PHIP: variants seen among roughly 807,000 people sequenced by gnomAD.
PHIP encodes PHIP subunit of CUL4-Ring ligase complex.
PHIP carries 54 observed loss-of-function variants against 236.8 expected under a neutral mutation model. That is an observed-to-expected ratio of 0.23 (90% confidence interval 0.18 to 0.29). PHIP has a LOEUF of 0.29. PHIP is among the 10% of genes least tolerant of loss of function. The probability of loss-of-function intolerance (pLI) is 1.00; values close to 1 mark genes in which losing one functional copy is unlikely to be tolerated. For synonymous variants in PHIP, 756 were observed against 718.9 expected, an observed-to-expected ratio of 1.05 and a Z score of -0.83; for missense variants, 1,370 against 2,190.8, an observed-to-expected ratio of 0.63 and a Z score of 7.48.
chr6:78,960,054 G>C (rs1766676332), intron 31 of PHIP, among the ~76,000 whole-genome samples: 1 of 152,086 alleles, frequency 6.6e-6, no homozygotes, highest in Non-Finnish European at 1.5e-5. Flanking sequence ...GGGAGCTGTA[G>C]CTCACTGACA....
intron 4 of PHIP, among the ~76,000 whole-genome samples, chr6:79,072,101 A>G (rs1490489579): frequency 6.6e-6 from 1 of 152,220 alleles, no homozygotes; most frequent in Non-Finnish European, 1.5e-5. Flanking sequence ...AGAAGTCAAG[A>G]CATCTCTTCT....
chr6:78,950,806 T>C (rs1170942847), intron 35 of PHIP, among the ~76,000 whole-genome samples: 4 of 149,426 alleles, frequency 2.7e-5, no homozygotes, highest in Admixed American at 6.6e-5. Context: ...TTCAATTTCA[T>C]AGATTTTCTT....
intron 12 of PHIP, 91 bp downstream of exon 12, chr6:79,017,255 T>C (rs1038641231): frequency 3.4e-5 from 26 of 756,550 alleles, no homozygotes; most frequent in Non-Finnish European, 5.3e-5. Flanking sequence ...TAGGTGATTA[T>C]TTCCTATACA....
Position 79,077,920 on chromosome 6 carries a change from G to T in PHIP, c.41-7C>A, listed in dbSNP as rs757721869. 1.3e-6 allele frequency: 2 copies of T among 1,594,198 alleles called. No individual in the cohort carries two copies. The highest frequency in any genetic ancestry group is 1.7e-6 in the Non-Finnish European group (2 of 1,171,242). Reference sequence around the variant, plus strand: ...GCGATGAGGAAGTAGAGCTCTGCGCGGGAGAGAGGGACGGGGAGACACACA... The same window carrying T: ...GCGATGAGGAAGTAGAGCTCTGCGCTGGAGAGAGGGACGGGGAGACACACA... On this transcript the variant is annotated splice_polypyrimidine_tract_variant and splice_region_variant and intron_variant, in intron 1 of 39. Transcript: ENST00000275034.
chr6:78,954,879 T>G lies in PHIP; in HGVS notation c.3988A>C (p.Asn1330His). Residue 1330 changes from asparagine to histidine, a missense_variant, in exon 35 of 40, where the codon AAT becomes CAT. Physicochemically the swap from Asn to His is moderately conservative, Grantham distance 68. Coordinates refer to ENST00000275034, the MANE Select transcript of PHIP (RefSeq NM_017934.7). Reference protein sequence around the residue: ...AWKKQCEELLNLIFQCEDSEP... With the variant: ...AWKKQCEELLHLIFQCEDSEP... ...GAATCTTCACATTGAAATATGAGAT[T>G]TAACAATTCTTCACACTGTTTCTTC... 6.3e-7 allele frequency: 1 copy of G among 1,585,034 alleles called. No individual in the cohort carries two copies. The highest frequency in any genetic ancestry group is 8.6e-7 in the Non-Finnish European group (1 of 1,168,046).
chr6:78,975,905 C>A (rs1328113980), intron 24 of PHIP, among the ~76,000 whole-genome samples: 1 of 150,274 alleles, frequency 6.7e-6, no homozygotes. Context: ...ACATTCCATG[C>A]TCATGGGTAG....
chr6:79,065,292 TTCC>T (rs1773569705), intron 4 of PHIP, among the ~76,000 whole-genome samples: 1 of 152,174 alleles, frequency 6.6e-6, no homozygotes, highest in Non-Finnish European at 1.5e-5. Context: ...TTCTGATGCT[TTCC>T]TCACTCTTTG....
At chr6:79,006,338 GA>G (rs1770290444) in intron 15 of PHIP, among the ~76,000 whole-genome samples, 2 of 151,810 alleles carry the variant, frequency 1.3e-5, no homozygotes, top group South Asian at 4.1e-4. Context: ...TATAAAACAG[GA>G]AAATATTTTA....
Position 78,938,915 on chromosome 6 carries a change from A to G in PHIP, c.*1778T>C, listed in dbSNP as rs1001596973. ...ATATTTATCCTTATCAGAAATAATT[A>G]TGTAATGTATTTTGCCAAGGTTCAA... On this transcript the variant is annotated 3_prime_UTR_variant, in exon 40 of 40. Coordinates refer to ENST00000275034, the MANE Select transcript of PHIP (RefSeq NM_017934.7). 3.3e-5 allele frequency: 5 copies of G among 151,802 alleles called. No homozygotes were observed. Among genetic ancestry groups the G allele is most frequent in the Non-Finnish European group, 1.5e-5 (1 of 67,620 alleles). 9.4% of individuals were successfully genotyped at this position (151,802 alleles called of 1,614,324 possible). A position where few individuals can be genotyped will look rare whatever the true frequency, so the allele number is the denominator to read the frequency against.
chr6:78,972,511 G>A (rs1767662138), intron 24 of PHIP, among the ~76,000 whole-genome samples: 1 of 152,192 alleles, frequency 6.6e-6, no homozygotes, highest in Non-Finnish European at 1.5e-5. Flanking sequence ...ACCAGCAATG[G>A]AACAAAGCTG....
chr6:79,010,957 C>G (rs1770544097), intron 15 of PHIP, among the ~76,000 whole-genome samples: 1 of 151,874 alleles, frequency 6.6e-6, no homozygotes. Context: ...TAATTAACTT[C>G]TAAACCTGGC....
At chr6:79,050,846 T>C (rs1464481911) in intron 6 of PHIP, among the ~76,000 whole-genome samples, 1 of 152,206 alleles carries the variant, frequency 6.6e-6, no homozygotes, top group Non-Finnish European at 1.5e-5. Flanking sequence ...GACAATTGCG[T>C]ATTTGAAAAT....
chr6:78,993,926 G>A (rs1185867322), intron 19 of PHIP, among the ~76,000 whole-genome samples: 3 of 152,164 alleles, frequency 2.0e-5, no homozygotes, highest in African/African-American at 7.2e-5. Context: ...AAAATACATT[G>A]AAAACCTTCT....
At chr6:78,968,326 A>G (rs1767286172) in intron 27 of PHIP, among the ~76,000 whole-genome samples, 1 of 152,222 alleles carries the variant, frequency 6.6e-6, no homozygotes, top group Admixed American at 6.5e-5. Context: ...TCTTGAAGAC[A>G]TGGGTTTTAA....
intron 29 of PHIP, among the ~76,000 whole-genome samples, chr6:78,963,846 T>A (rs1179704097): frequency 6.6e-6 from 1 of 152,190 alleles, no homozygotes; most frequent in Non-Finnish European, 1.5e-5. Flanking sequence ...TTAGACTAAG[T>A]TTTGGCAGAT....
intron 6 of PHIP, among the ~76,000 whole-genome samples, chr6:79,043,345 C>T (rs189609061): frequency 5.3e-4 from 80 of 152,144 alleles, no homozygotes; most frequent in African/African-American, 1.9e-3. Flanking sequence ...TATGTTATTT[C>T]CTTAAAAGCT....
At chr6:79,022,843 T>C (rs781070682) in intron 9 of PHIP, among the ~76,000 whole-genome samples, 15 of 152,182 alleles carry the variant, frequency 9.9e-5, no homozygotes, top group South Asian at 6.2e-4. Flanking sequence ...CAAAGTTGAA[T>C]TGATTCATTC....
At position 79,078,076 on chromosome 6, in the gene PHIP, G is replaced by A; in HGVS notation, c.-8C>T. On this transcript the variant is annotated 5_prime_UTR_variant, in exon 1 of 40. Transcript: ENST00000275034. The stretch of plus-strand genomic sequence containing the variant: ...TTTCCTCTCACAAGACATGTTTATG[G>A]GTCACTTCAGGGCCGCCGACGGGAC... The A allele has an allele frequency of 5.0e-6, 8 of 1,608,922 alleles. No individual in the cohort carries two copies. Among genetic ancestry groups the A allele is most frequent in the Non-Finnish European group, 6.8e-6 (8 of 1,179,208 alleles).
At chr6:79,073,319 CGCCTA>C (rs374860553) in intron 4 of PHIP, among the ~76,000 whole-genome samples, 5,366 of 152,194 alleles carry the variant, frequency 0.035, 128 homozygotes, top group Middle Eastern at 0.065. Context: ...TAACCCTTCA[CGCCTA>C]ACATATTTTA....
Sources: gnomAD v4.1 joint callset for allele counts (sites outside exome capture counted in the v4.1 genomes callset) on GRCh38, gnomAD v4.1.1 for gene constraint, MANE v1.5 for transcripts, NCBI Gene and HGNC (gene_info 2026-07-23, HGNC 2026-07-21) for gene names.